Variants in ZNF503 observed in about 807,000 individuals in gnomAD.
ZNF503 encodes the protein NocA-like zinc finger 2.
In ZNF503, 15 loss-of-function variants were observed where a neutral mutation model predicts 34.4. That is an observed-to-expected ratio of 0.44 (90% CI 0.29 to 0.67). ZNF503 has a LOEUF of 0.67. Ranked by LOEUF, ZNF503 falls within the 30% of genes least tolerant of loss-of-function variation. The pLI is 0.13. For missense variants in ZNF503, 1,007 were observed against 926.8 expected (o/e 1.09, Z -1.12); for synonymous variants, 580 against 456.8 (o/e 1.27, Z -3.44).
At chr10:75,343,664 A>G in the ZNF503 span, among the ~76,000 whole-genome samples, 2 of 152,148 alleles carry the variant, frequency 1.3e-5, no homozygotes, top group Non-Finnish European at 2.9e-5. Flanking sequence ...AGCCCTGCCC[A>G]GTGACTCCAG....
the ZNF503 span, chr10:75,382,558 C>G: frequency 2.0e-6 from 1 of 496,184 alleles, no homozygotes; most frequent in Non-Finnish European, 3.7e-6. Context: ...GTGTCTCTTT[C>G]TCCTTCCCAG....
chr10:75,357,085 A>G, the ZNF503 span, among the ~76,000 whole-genome samples: 2 of 152,134 alleles, frequency 1.3e-5, no homozygotes, highest in Admixed American at 1.3e-4. Flanking sequence ...ACTGTGGTAT[A>G]GAGAAAGAAG....
the ZNF503 span, among the ~76,000 whole-genome samples, chr10:75,391,437 C>G: frequency 6.6e-6 from 1 of 152,188 alleles, no homozygotes; most frequent in African/African-American, 2.4e-5. Flanking sequence ...GAACTGAAGA[C>G]AGAAGGACCC....
chr10:75,343,796 G>T, the ZNF503 span, among the ~76,000 whole-genome samples: 1 of 152,214 alleles, frequency 6.6e-6, no homozygotes, highest in Non-Finnish European at 1.5e-5. Context: ...GAGCACAGAG[G>T]TTGGGAAAAA....
chr10:75,297,080 A>G, the ZNF503 span, among the ~76,000 whole-genome samples: 2 of 152,018 alleles, frequency 1.3e-5, no homozygotes, highest in Admixed American at 6.5e-5. Context: ...CCTTCTTAGG[A>G]TCCCCAAGAG....
chr10:75,309,126 G>T, the ZNF503 span, among the ~76,000 whole-genome samples: 1 of 152,190 alleles, frequency 6.6e-6, no homozygotes, highest in Admixed American at 6.5e-5. Flanking sequence ...ACAGGCATGA[G>T]CCACCATGCC....
At chr10:75,341,352 T>G in the ZNF503 span, among the ~76,000 whole-genome samples, 1 of 152,226 alleles carries the variant, frequency 6.6e-6, no homozygotes, top group African/African-American at 2.4e-5. Context: ...AAAAATAGTA[T>G]GCACCCATAG....
the ZNF503 span, among the ~76,000 whole-genome samples, chr10:75,375,097 G>C: frequency 6.6e-6 from 1 of 152,174 alleles, no homozygotes; most frequent in Non-Finnish European, 1.5e-5. Flanking sequence ...AGTTAAACAA[G>C]TTTCCCAACT....
the ZNF503 span, chr10:75,280,177 A>C: frequency 2.6e-5 from 4 of 152,392 alleles, no homozygotes; most frequent in South Asian, 8.3e-4. Flanking sequence ...AATTCAATTA[A>C]GAATATACAT....
At chr10:75,394,694 G>A (rs12242668), downstream of ZNF503, among the ~76,000 whole-genome samples, 13,026 of 152,268 alleles carry the variant, frequency 0.086, 1,729 homozygotes, top group African/African-American at 0.29. Flanking sequence ...TGCCACACGT[G>A]ACCAGGTGTG....
At chr10:75,317,081 A>G in the ZNF503 span, among the ~76,000 whole-genome samples, 2 of 152,084 alleles carry the variant, frequency 1.3e-5, no homozygotes, top group Non-Finnish European at 2.9e-5. Flanking sequence ...AGCTGGGACT[A>G]CAGGTGCACA....
At chr10:75,392,293 A>G in the ZNF503 span, among the ~76,000 whole-genome samples, 3 of 152,346 alleles carry the variant, frequency 2.0e-5, no homozygotes, top group Non-Finnish European at 2.9e-5. Context: ...CACAGAGGAC[A>G]TGTGACTTAC....
chr10:75,327,126 A>G, the ZNF503 span, among the ~76,000 whole-genome samples: 1 of 152,214 alleles, frequency 6.6e-6, no homozygotes, highest in African/African-American at 2.4e-5. Flanking sequence ...AATAGACAAC[A>G]AATTGTTGTT....
chr10:75,299,432 G>A, the ZNF503 span, among the ~76,000 whole-genome samples: 7 of 151,914 alleles, frequency 4.6e-5, no homozygotes, highest in South Asian at 2.1e-4. Flanking sequence ...TATTACTGTC[G>A]AATTATCTAT....
the ZNF503 span, among the ~76,000 whole-genome samples, chr10:75,363,018 TAGAC>T: frequency 3.2e-4 from 49 of 152,084 alleles, no homozygotes; most frequent in African/African-American, 1.1e-3. Context: ...GCCCTCCTAT[TAGAC>T]AGCAGCGGAG....
chr10:75,392,983 G>A (rs187770310), downstream of ZNF503, among the ~76,000 whole-genome samples: 13 of 152,304 alleles, frequency 8.5e-5, no homozygotes, highest in East Asian at 7.7e-4. Flanking sequence ...AGTCAGTGGT[G>A]GAGCTAAAAG....
chr10:75,371,147 C>T, the ZNF503 span, among the ~76,000 whole-genome samples: 5 of 152,252 alleles, frequency 3.3e-5, no homozygotes, highest in Non-Finnish European at 5.9e-5. Context: ...GACTGGCCTC[C>T]GAGGCACTGT....
downstream of ZNF503, among the ~76,000 whole-genome samples, chr10:75,395,997 G>C (rs971407843): frequency 3.3e-5 from 5 of 152,192 alleles, no homozygotes; most frequent in African/African-American, 1.2e-4. This position sits in a 1 kb window ranked among gnomAD's most constrained non-coding sequence, Gnocchi z 4.4. Flanking sequence ...GGGAAAAGAG[G>C]CACAGCCTGT....
the ZNF503 span, among the ~76,000 whole-genome samples, chr10:75,291,774 T>A: frequency 1.3e-5 from 2 of 152,204 alleles, no homozygotes; most frequent in Non-Finnish European, 2.9e-5. Flanking sequence ...AGGATGAACA[T>A]CCAGAGGTCA....
Sources: allele counts gnomAD v4.1 joint callset (sites outside exome capture counted in the v4.1 genomes callset), GRCh38; gene constraint gnomAD v4.1.1; non-coding constraint Gnocchi (gnomAD v3.1); transcripts MANE v1.5; gene names NCBI Gene and HGNC (gene_info 2026-07-23, HGNC 2026-07-21).